The following UMAD1 variants were observed in gnomAD, a reference collection of about 807,000 sequenced individuals.
The protein encoded by UMAD1 is UBAP1-MVB12-associated (UMA) domain containing 1.
Under a neutral mutation model 6.1 loss-of-function variants are expected in UMAD1, and 8 were observed. The observed-to-expected ratio is 1.30, with a 90% confidence interval of 0.76 to 2.35. The LOEUF (loss-of-function observed/expected upper bound fraction) is 2.35. Among genes scored for constraint, UMAD1 ranks in the 30% most tolerant of loss-of-function variants. The pLI is 0.00. For missense variants in UMAD1, 130 were observed against 78.4 expected (o/e 1.66, Z -2.49); for synonymous variants, 56 against 31.4 (o/e 1.78, Z -2.61).
At chr7:7,864,602 TACACACACACACACACACACACACAC>T (rs59036228) in intron 3 of UMAD1, among the ~76,000 whole-genome samples, 7 of 140,248 alleles carry the variant, frequency 5.0e-5, no homozygotes, top group Middle Eastern at 3.6e-3. Flanking sequence ...ACATGAAAAC[TACACACACACACACACACACACACAC>T]ACACACACAC....
chr7:7,671,519 G>A (rs576725172), intron 1 of UMAD1, among the ~76,000 whole-genome samples: 164 of 152,296 alleles, frequency 1.1e-3, no homozygotes, highest in South Asian at 5.4e-3. Flanking sequence ...GGCCTTCTCA[G>A]TTTTGTTTTT....
chr7:7,660,675 T>TA (rs1232848457), intron 1 of UMAD1, among the ~76,000 whole-genome samples: 1 of 152,244 alleles, frequency 6.6e-6, no homozygotes, highest in African/African-American at 2.4e-5. Context: ...GATCCACTGT[T>TA]AGTCTGATGG....
chr7:7,841,511 T>C (rs1462759547), intron 3 of UMAD1, among the ~76,000 whole-genome samples: 1 of 152,034 alleles, frequency 6.6e-6, no homozygotes, highest in Non-Finnish European at 1.5e-5. Context: ...CTTATGTTGC[T>C]CAGGCAGGTC....
At chr7:7,684,975 A>G (rs947489646) in intron 2 of UMAD1, among the ~76,000 whole-genome samples, 1 of 152,200 alleles carries the variant, frequency 6.6e-6, no homozygotes, top group African/African-American at 2.4e-5. Context: ...CTGTTTCCTT[A>G]CAGGCTTTAC....
intron 2 of UMAD1, among the ~76,000 whole-genome samples, chr7:7,707,355 T>A (rs2115164338): frequency 6.6e-6 from 1 of 152,198 alleles, no homozygotes; most frequent in East Asian, 1.9e-4. Flanking sequence ...ACTACGGTAC[T>A]TTTTGCTTGC....
At chr7:7,822,803 T>C (rs1783265119) in intron 3 of UMAD1, among the ~76,000 whole-genome samples, 1 of 152,112 alleles carries the variant, frequency 6.6e-6, no homozygotes, top group Non-Finnish European at 1.5e-5. Context: ...GACATATTAG[T>C]AAGACTTCTA....
chr7:7,815,667 G>T (rs1294621593), intron 3 of UMAD1, among the ~76,000 whole-genome samples: 2 of 152,108 alleles, frequency 1.3e-5, no homozygotes, highest in African/African-American at 4.8e-5. Flanking sequence ...GAATAAAACT[G>T]TGTCCAGAAA....
At chr7:7,838,222 C>T (rs1783607930) in intron 3 of UMAD1, among the ~76,000 whole-genome samples, 1 of 152,128 alleles carries the variant, frequency 6.6e-6, no homozygotes, top group Admixed American at 6.6e-5. Context: ...GTGTATTCCT[C>T]TTTGCACCAT....
intron 2 of UMAD1, among the ~76,000 whole-genome samples, chr7:7,714,142 T>G (rs1197300799): frequency 2.0e-5 from 3 of 152,274 alleles, no homozygotes. Flanking sequence ...GTGGTACAAA[T>G]GATAGAAATT....
intron 2 of UMAD1, among the ~76,000 whole-genome samples, chr7:7,793,976 A>G (rs1782618949): frequency 6.6e-6 from 1 of 152,180 alleles, no homozygotes; most frequent in Non-Finnish European, 1.5e-5. Context: ...TCATCACTGC[A>G]GAATTTCTTA....
In UMAD1 at chr7:7,718,514, C is replaced by G. The variant is rs529874466; in HGVS notation, c.82+45061C>G. 9 of 152,262 alleles carry G rather than the reference C, an allele frequency of 5.9e-5. No homozygotes were observed. In the East Asian group the frequency reaches 1.5e-3, roughly 26 times the overall value. The allele number at this position is 152,262 out of a possible 1,614,324, so 9.4% of individuals were successfully genotyped here. A position where few individuals can be genotyped will look rare whatever the true frequency, so the allele number is the denominator to read the frequency against. The stretch of plus-strand genomic sequence containing the variant: ...TCCAACAAATTCAAACAGATACTTA[C>G]AAAATTAAGACGATTGTAAATGTGT... On this transcript the variant is annotated intron_variant, in intron 2 of 3. Coordinates refer to ENST00000682710, the MANE Select transcript of UMAD1 (RefSeq NM_001302348.2).
chr7:7,819,595 G>A (rs1407454832), intron 3 of UMAD1, among the ~76,000 whole-genome samples: 1 of 152,168 alleles, frequency 6.6e-6, no homozygotes, highest in Admixed American at 6.5e-5. Flanking sequence ...TTCCACGCCT[G>A]TTGACATGGA....
intron 3 of UMAD1, among the ~76,000 whole-genome samples, chr7:7,867,767 C>T (rs767167180): frequency 6.6e-6 from 1 of 151,910 alleles, no homozygotes; most frequent in African/African-American, 2.4e-5. Context: ...GGTGATATTC[C>T]AATAGGCAAT....
chr7:7,783,928 A>G (rs1332047873), intron 2 of UMAD1, among the ~76,000 whole-genome samples: 1 of 152,198 alleles, frequency 6.6e-6, no homozygotes, highest in Non-Finnish European at 1.5e-5. Context: ...CCAAAAGGAG[A>G]TGAAATTAAA....
intron 1 of UMAD1, among the ~76,000 whole-genome samples, chr7:7,666,255 G>A (rs1335403848): frequency 6.6e-6 from 1 of 152,118 alleles, no homozygotes; most frequent in African/African-American, 2.4e-5. Context: ...CCAGGCTGGA[G>A]TGCAGTGGCA....
chr7:7,873,764 C>A (rs1784368956), intron 3 of UMAD1, among the ~76,000 whole-genome samples: 1 of 152,186 alleles, frequency 6.6e-6, no homozygotes, highest in African/African-American at 2.4e-5. Context: ...TTCTTATGAG[C>A]TGTTTCTTAT....
chr7:7,786,547 G>A (rs903270720), intron 2 of UMAD1, among the ~76,000 whole-genome samples: 24 of 152,168 alleles, frequency 1.6e-4, no homozygotes, highest in African/African-American at 5.8e-4. Flanking sequence ...TTACAGAAGA[G>A]TAAACATTCA....
intron 1 of UMAD1, among the ~76,000 whole-genome samples, chr7:7,665,627 A>G (rs1231671202): frequency 6.6e-6 from 1 of 152,142 alleles, no homozygotes; most frequent in Non-Finnish European, 1.5e-5. Flanking sequence ...AAGATAATGA[A>G]CATACCCATC....
intron 2 of UMAD1, among the ~76,000 whole-genome samples, chr7:7,746,434 TC>T (rs1453009586): frequency 1.6e-4 from 25 of 152,226 alleles, no homozygotes; most frequent in Non-Finnish European, 3.7e-4. Context: ...CTTTCTCTTA[TC>T]CCCAGCCTTT....
Sources: allele counts gnomAD v4.1 joint callset (sites outside exome capture counted in the v4.1 genomes callset), GRCh38; gene constraint gnomAD v4.1.1; transcripts MANE v1.5; gene names NCBI Gene and HGNC (gene_info 2026-07-23, HGNC 2026-07-21).